Variants in GRIP1 observed in about 807,000 individuals in gnomAD.
GRIP1 encodes the protein glutamate receptor-interacting protein 1.
A neutral mutation model predicts 129.9 loss-of-function variants in GRIP1; 45 were observed. The ratio of observed to expected loss-of-function variants is 0.35; its 90% confidence interval spans 0.27 to 0.44. The LOEUF (loss-of-function observed/expected upper bound fraction) is 0.44, where lower values mean the gene tolerates loss of function less well. Among genes scored for constraint, GRIP1 ranks in the 20% least tolerant of loss-of-function variants. The pLI is 1.00. For missense variants in GRIP1, 1,196 were observed against 1,396.8 expected (o/e 0.86, Z 2.29); for synonymous variants, 530 against 520.8 (o/e 1.02, Z -0.24).
chr12:66,730,336 C>A (rs911706590), intron 1 of GRIP1, among the ~76,000 whole-genome samples: 1 of 152,078 alleles, frequency 6.6e-6, no homozygotes, highest in Non-Finnish European at 1.5e-5. Flanking sequence ...TAGAATCCTG[C>A]AAATTGTTTC....
intron 23 of GRIP1, among the ~76,000 whole-genome samples, chr12:66,360,142 C>T (rs1466910487): frequency 6.6e-6 from 1 of 151,876 alleles, no homozygotes; most frequent in Non-Finnish European, 1.5e-5. Context: ...ACTAGAATAT[C>T]TGACCTCGTT....
chr12:66,969,191 T>C (rs2042038141), intron 1 of GRIP1, among the ~76,000 whole-genome samples: 1 of 152,182 alleles, frequency 6.6e-6, no homozygotes, highest in Non-Finnish European at 1.5e-5. Context: ...AAGTATAGAC[T>C]TTGTGGAATT....
intron 5 of GRIP1, among the ~76,000 whole-genome samples, chr12:66,523,153 C>A (rs1157864383): frequency 6.6e-6 from 1 of 151,224 alleles, no homozygotes; most frequent in Non-Finnish European, 1.5e-5. Context: ...GGCAGGCCAA[C>A]ATTCAGATTC....
intron 1 of GRIP1, among the ~76,000 whole-genome samples, chr12:66,898,134 T>C (rs2040782942): frequency 6.6e-6 from 1 of 152,332 alleles, no homozygotes; most frequent in Admixed American, 6.5e-5. Flanking sequence ...TAAGATCCTT[T>C]TATTTATGTT....
chr12:66,907,916 C>T (rs995943285), intron 1 of GRIP1, among the ~76,000 whole-genome samples: 1 of 151,818 alleles, frequency 6.6e-6, no homozygotes, highest in Non-Finnish European at 1.5e-5. Flanking sequence ...AGAAGACATG[C>T]AAAGTGACAA....
At position 66,994,648 on chromosome 12, in the gene GRIP1, C is replaced by T. The variant is rs144632979; in HGVS notation, c.58+74402G>A. Among the ~76,000 whole-genome samples, 430 of 151,994 alleles carry T rather than the reference C, an allele frequency of 2.8e-3. 1 individual carries two copies. The highest frequency in any genetic ancestry group is 9.9e-3 in the African/African-American group (411 of 41,502). On this transcript the variant is annotated intron_variant, in intron 1 of 1. Coordinates refer to the GRIP1 transcript ENST00000643019. ...TTACTTAGAAATAAATTTAACAAAACGTGTGAAATCTACATTCTGAATACT... is the reference window on the plus strand; with the variant it reads ...TTACTTAGAAATAAATTTAACAAAATGTGTGAAATCTACATTCTGAATACT...
At chr12:66,811,636 C>T (rs2039106960) in intron 1 of GRIP1, among the ~76,000 whole-genome samples, 1 of 151,988 alleles carries the variant, frequency 6.6e-6, no homozygotes, top group South Asian at 2.1e-4. Context: ...CTCCTCTCTT[C>T]CTCCTTCCCT....
At chr12:66,673,990 G>A (rs2034206563) in intron 1 of GRIP1, among the ~76,000 whole-genome samples, 1 of 152,222 alleles carries the variant, frequency 6.6e-6, no homozygotes, top group Non-Finnish European at 1.5e-5. Flanking sequence ...AGGGGTGGAG[G>A]CAAAGCAGAA....
At chr12:66,385,396 C>T (rs982716119) in intron 19 of GRIP1, among the ~76,000 whole-genome samples, 1 of 151,584 alleles carries the variant, frequency 6.6e-6, no homozygotes. Flanking sequence ...ATTAGCTGGG[C>T]GTGGTGGTGG....
intron 24 of GRIP1, among the ~76,000 whole-genome samples, chr12:66,351,789 T>G (rs982775104): frequency 3.3e-5 from 5 of 152,166 alleles, no homozygotes; most frequent in African/African-American, 4.8e-5. Context: ...CTAGTGGTTT[T>G]CAATTTGGCT....
intron 13 of GRIP1, among the ~76,000 whole-genome samples, chr12:66,435,446 C>T (rs2058275278): frequency 6.6e-6 from 1 of 152,162 alleles, no homozygotes; most frequent in South Asian, 2.1e-4. Context: ...TCAAGTGATC[C>T]GTCCACCTCA....
Position 66,915,706 on chromosome 12 carries a change from A to C in GRIP1, c.58+153344T>G, listed in dbSNP as rs147674896. On this transcript the variant is annotated intron_variant, in intron 1 of 1. Transcript: ENST00000643019. ...GGGGCCTATGTCTTGTATGCTGGGC[A>C]ATGAACTTGTGAGGCCTCAAGCCTG... Among the ~76,000 whole-genome samples the C allele has an allele frequency of 6.8e-3, 1,037 of 152,352 alleles. 4 individuals are homozygous for C. Among genetic ancestry groups the C allele is most frequent in the Non-Finnish European group, 9.9e-3 (676 of 68,032 alleles).
chr12:66,903,762 A>C (rs189997777), intron 1 of GRIP1, among the ~76,000 whole-genome samples: 102 of 152,366 alleles, frequency 6.7e-4, no homozygotes, highest in African/African-American at 2.4e-3. Flanking sequence ...AAGGGAAAGA[A>C]TATTAACAAT....
chr12:66,812,005 T>A (rs2039113523), intron 1 of GRIP1, among the ~76,000 whole-genome samples: 1 of 152,182 alleles, frequency 6.6e-6, no homozygotes, highest in South Asian at 2.1e-4. Flanking sequence ...ATCCTAGCTA[T>A]GATTTACAAG....
At chr12:66,662,910 A>G (rs2033594830) in intron 1 of GRIP1, among the ~76,000 whole-genome samples, 1 of 152,178 alleles carries the variant, frequency 6.6e-6, no homozygotes, top group Non-Finnish European at 1.5e-5. Flanking sequence ...AACAGGAACC[A>G]TCTATGAGTC....
intron 5 of GRIP1, 142 bp from the exon 6 acceptor site, chr12:66,518,118 C>A: frequency 1.4e-6 from 1 of 693,334 alleles, no homozygotes; most frequent in Non-Finnish European, 2.6e-6. Context: ...CATACAAAAG[C>A]CTTAAAGGTC....
At chr12:66,578,373 TTCATCTCACTAGG>T (rs2063222731) in intron 2 of GRIP1, among the ~76,000 whole-genome samples, 3 of 151,788 alleles carry the variant, frequency 2.0e-5, no homozygotes, top group African/African-American at 7.3e-5. Flanking sequence ...AGGTACCAGG[TTCATCTCACTAGG>T]GAGTGCCAGA....
chr12:66,803,880 T>C (rs144177840), intron 1 of GRIP1: 4 of 311,704 alleles, frequency 1.3e-5, no homozygotes, highest in African/African-American at 8.6e-5. Flanking sequence ...TGCTATTATC[T>C]AATGGCTGTT....
At chr12:66,680,775 A>G (rs186163741), upstream of GRIP1, among the ~76,000 whole-genome samples, 2 of 152,270 alleles carry the variant, frequency 1.3e-5, no homozygotes, top group Non-Finnish European at 2.9e-5. Context: ...CACTCAGAAT[A>G]CGCAGCTGTC....
Sources: gnomAD v4.1 joint callset for allele counts (sites outside exome capture counted in the v4.1 genomes callset) on GRCh38, gnomAD v4.1.1 for gene constraint, MANE v1.5 for transcripts, NCBI Gene and HGNC (gene_info 2026-07-23, HGNC 2026-07-21) for gene names.